Variants in PDE3B observed in about 807,000 individuals in gnomAD.
PDE3B encodes the protein cGMP-inhibited 3',5'-cyclic phosphodiesterase 3B.
Under a neutral mutation model 116.8 loss-of-function variants are expected in PDE3B, and 66 were observed. The ratio of observed to expected loss-of-function variants is 0.56; its 90% CI spans 0.46 to 0.69. The LOEUF (loss-of-function observed/expected upper bound fraction) is 0.69. Among genes scored for constraint, PDE3B ranks in the 30% least tolerant of loss-of-function variants. The probability of loss-of-function intolerance (pLI) is 0.00; values close to 1 mark genes in which losing one functional copy is unlikely to be tolerated. For synonymous variants in PDE3B, 595 were observed against 533.6 expected (o/e 1.12, Z -1.59); for missense variants, 1,384 against 1,368.1 (o/e 1.01, Z -0.18).
intron 4 of PDE3B, among the ~76,000 whole-genome samples, chr11:14,796,627 G>A (rs564398456): frequency 6.6e-6 from 1 of 152,320 alleles, no homozygotes; most frequent in Admixed American, 6.5e-5. Context: ...CAGTGATAAT[G>A]ATCATTTTTC....
intron 1 of PDE3B, among the ~76,000 whole-genome samples, chr11:14,707,549 G>A (rs1003043270): frequency 5.3e-5 from 8 of 152,054 alleles, no homozygotes; most frequent in Admixed American, 3.3e-4. Context: ...GATTTTTATT[G>A]GGGATTTGGA....
chr11:14,787,494 T>A (rs11023338), intron 3 of PDE3B, among the ~76,000 whole-genome samples: 4,669 of 152,070 alleles, frequency 0.031, 96 homozygotes, highest in Middle Eastern at 0.072. Context: ...TAGAAATAGG[T>A]AAATATAGTT....
chr11:14,649,744 CAT>C (rs1459196098), intron 1 of PDE3B, among the ~76,000 whole-genome samples: 3 of 152,280 alleles, frequency 2.0e-5, no homozygotes, highest in African/African-American at 7.2e-5. Flanking sequence ...GTCGCAAACT[CAT>C]GTACCTACAT....
At chr11:14,663,369 G>C (rs543092352) in intron 1 of PDE3B, among the ~76,000 whole-genome samples, 4 of 152,290 alleles carry the variant, frequency 2.6e-5, no homozygotes, top group Admixed American at 2.6e-4. Context: ...AAATTGTAAA[G>C]ACCATCAAGG....
At position 14,672,959 on chromosome 11, in the gene PDE3B, G is replaced by A. The variant is rs183724512; in HGVS notation, c.978+27906G>A. Among the ~76,000 whole-genome samples the A allele has an allele frequency of 4.8e-5, 7 of 146,490 alleles. No homozygotes were observed. The East Asian group carries it at 1.4e-3, about 29-fold the overall frequency. On this transcript the variant is annotated intron_variant, in intron 1 of 15. Coordinates refer to ENST00000282096, the MANE Select transcript of PDE3B (RefSeq NM_000922.4). Reference sequence around the variant, plus strand: ...AAATTTAAAGAAAAAATCTATTGAAGATCTGAAAAACAATTCCTAAAAGAT... The same window carrying A: ...AAATTTAAAGAAAAAATCTATTGAAAATCTGAAAAACAATTCCTAAAAGAT...
intron 12 of PDE3B, among the ~76,000 whole-genome samples, chr11:14,856,256 C>T (rs918745761): frequency 2.0e-5 from 3 of 152,212 alleles, no homozygotes; most frequent in Admixed American, 1.3e-4. Flanking sequence ...TTTCCTGAGG[C>T]TTCCCCACCC....
At chr11:14,747,431 A>G (rs1023672793) in intron 1 of PDE3B, among the ~76,000 whole-genome samples, 4 of 152,242 alleles carry the variant, frequency 2.6e-5, no homozygotes, top group Non-Finnish European at 5.9e-5. Context: ...ATTGTAAAAA[A>G]TAATATAACA....
intron 1 of PDE3B, among the ~76,000 whole-genome samples, chr11:14,747,803 T>G (rs1314815323): frequency 2.6e-5 from 4 of 152,190 alleles, no homozygotes; most frequent in Non-Finnish European, 5.9e-5. Context: ...AAATAATGGA[T>G]TGTTTTATAA....
intron 1 of PDE3B, among the ~76,000 whole-genome samples, chr11:14,743,142 T>G (rs905436731): frequency 1.1e-4 from 16 of 152,148 alleles, no homozygotes; most frequent in Admixed American, 9.8e-4. Context: ...CAGGAACGTT[T>G]GTTTGCTGAA....
rs767484123 is a variant in PDE3B at position 14,832,819 on chromosome 11, A to G, written c.2192A>G (p.Tyr731Cys). Residue 731 changes from tyrosine (Y) to cysteine (C), a missense_variant, in exon 10 of 16, where the codon TAT (tyrosine) becomes TGT (cysteine). Physicochemically the swap from Tyr to Cys is radical, Grantham distance 194. This residue lies in a region of PDE3B where 428 missense variants were observed against 561.4 expected (regional missense o/e 0.76). Coordinates refer to ENST00000282096, the MANE Select transcript of PDE3B (RefSeq NM_000922.4). ...MNYFRALENG[Y>C]RDIPYHNRIH... Reference sequence around the variant, plus strand: ...TATTTTCGTGCATTAGAAAATGGCTATCGAGACATTCCTTGTAAGTATTAA... The same window carrying G: ...TATTTTCGTGCATTAGAAAATGGCTGTCGAGACATTCCTTGTAAGTATTAA... The G allele has an allele frequency of 7.0e-7, 1 of 1,421,486 alleles. No individual in the cohort carries two copies. The highest frequency in any genetic ancestry group is 9.8e-7 in the Non-Finnish European group (1 of 1,020,192). The allele number at this position is 1,421,486 out of a possible 1,614,324, so 88.1% of individuals were successfully genotyped here. A position where few individuals can be genotyped will look rare whatever the true frequency, so the allele number is the denominator to read the frequency against.
intron 1 of PDE3B, among the ~76,000 whole-genome samples, chr11:14,695,659 GCTC>G (rs1855185278): frequency 1.3e-5 from 2 of 151,804 alleles, no homozygotes. Context: ...TTTCCCTAAT[GCTC>G]TGCTTCCCCA....
chr11:14,803,718 A>G (rs1276139351), intron 4 of PDE3B, among the ~76,000 whole-genome samples: 1 of 152,236 alleles, frequency 6.6e-6, no homozygotes, highest in Non-Finnish European at 1.5e-5. Context: ...TTTGTGCTAC[A>G]TCAGCAGAGT....
the PDE3B span, chr11:14,886,081 A>C: frequency 3.0e-6 from 2 of 674,586 alleles, no homozygotes. Context: ...CCCTCCTTCT[A>C]TAAGGCATGC....
chr11:14,815,724 A>G (rs1051306104), intron 5 of PDE3B, among the ~76,000 whole-genome samples: 1 of 152,182 alleles, frequency 6.6e-6, no homozygotes, highest in Non-Finnish European at 1.5e-5. Context: ...CCAGGGGGCA[A>G]GGGTTAATGC....
chr11:14,889,405 G>T, the PDE3B span, among the ~76,000 whole-genome samples: 1 of 152,132 alleles, frequency 6.6e-6, no homozygotes, highest in Non-Finnish European at 1.5e-5. Flanking sequence ...TTCATACCAG[G>T]ATAAAGATCA....
intron 1 of PDE3B, among the ~76,000 whole-genome samples, chr11:14,736,675 C>CTA (rs1404770517): frequency 2.0e-5 from 3 of 152,038 alleles, no homozygotes; most frequent in East Asian, 1.9e-4. Flanking sequence ...AGCAAACAGA[C>CTA]TATATATTTT....
At chr11:14,891,866 A>T in the PDE3B span, 1 of 1,410,464 alleles carries the variant, frequency 7.1e-7, no homozygotes, top group Non-Finnish European at 9.4e-7. Context: ...CAGCCGGCAC[A>T]CGGAGAGGTC....
At chr11:14,843,480 A>T (rs547174920) in intron 11 of PDE3B, among the ~76,000 whole-genome samples, 1 of 148,382 alleles carries the variant, frequency 6.7e-6, no homozygotes, top group Non-Finnish European at 1.5e-5. Flanking sequence ...TTTTTCTGTT[A>T]TATCATATAT....
intron 7 of PDE3B, among the ~76,000 whole-genome samples, chr11:14,819,553 T>G (rs561382293): frequency 6.6e-6 from 1 of 152,306 alleles, no homozygotes; most frequent in Non-Finnish European, 1.5e-5. Context: ...AAAGAGGGGT[T>G]GTTTTAAAGT....
Sources: gnomAD v4.1 joint callset for allele counts (sites outside exome capture counted in the v4.1 genomes callset) on GRCh38, gnomAD v4.1.1 for gene constraint, gnomAD v4.1.1 regional missense constraint, MANE v1.5 for transcripts, NCBI Gene and HGNC (gene_info 2026-07-23, HGNC 2026-07-21) for gene names.